The following SAG variants were observed in gnomAD, a reference collection of about 807,000 sequenced individuals.
SAG encodes the protein S-arrestin.
A neutral mutation model predicts 55.0 loss-of-function variants in SAG; 45 were observed. The ratio of observed to expected loss-of-function variants is 0.82; its 90% confidence interval spans 0.64 to 1.05. The LOEUF (loss-of-function observed/expected upper bound fraction) is 1.05, where lower values mean the gene tolerates loss of function less well. Among genes scored for constraint, SAG ranks in the 50% least tolerant of loss-of-function variants. The pLI is 0.00. For missense variants in SAG, 455 were observed against 512.1 expected (o/e 0.89, Z 1.08); for synonymous variants, 189 against 197.4 (o/e 0.96, Z 0.36).
rs754583230 is a variant in SAG, at chr2:233,346,940, G to A, written c.*28G>A. On this transcript the variant is annotated 3_prime_UTR_variant, in exon 16 of 16. Coordinates refer to ENST00000409110, the MANE Select transcript of SAG (RefSeq NM_000541.5). ...ATGTCGGCTCAGGATGCCGGAAAATGACCTGTAGTTACCAGTGCAACGAGC... is the reference window on the plus strand; with the variant it reads ...ATGTCGGCTCAGGATGCCGGAAAATAACCTGTAGTTACCAGTGCAACGAGC... 6 of 1,361,128 alleles carry A rather than the reference G, an allele frequency of 4.4e-6. No individual in the cohort carries two copies. In the East Asian group the frequency reaches 9.3e-5, roughly 21 times the overall value. The allele number at this position is 1,361,128 out of a possible 1,614,324, so 84.3% of individuals were successfully genotyped here. A position where few individuals can be genotyped will look rare whatever the true frequency, so the allele number is the denominator to read the frequency against.
At chr2:233,315,943 G>A (rs1159339994) in intron 2 of SAG, 132 bp from the exon 3 acceptor site, 21 of 615,384 alleles carry the variant, frequency 3.4e-5, no homozygotes, top group Middle Eastern at 3.9e-4. Flanking sequence ...CTCGTGATCC[G>A]CCCGCCTTGG....
intron 5 of SAG, among the ~76,000 whole-genome samples, chr2:233,322,400 G>T (rs1428604395): frequency 6.6e-6 from 1 of 152,088 alleles, no homozygotes; most frequent in Non-Finnish European, 1.5e-5. Flanking sequence ...TGGGAAAATG[G>T]TCACAATGCT....
At chr2:233,342,437 T>G (rs1701132830) in intron 14 of SAG, 111 bp downstream of exon 14, 1 of 847,542 alleles carries the variant, frequency 1.2e-6, no homozygotes, top group African/African-American at 1.7e-5. Context: ...AGTGGCCAGG[T>G]GTAAGAGATT....
chr2:233,345,910 G>T, intron 14 of SAG: 1 of 153,138 alleles, frequency 6.5e-6, no homozygotes, highest in Non-Finnish European at 1.5e-5. Context: ...CCCAGCACTT[G>T]GGAGGCTGAG....
intron 5 of SAG, among the ~76,000 whole-genome samples, chr2:233,321,793 AC>A (rs1468015711): frequency 6.6e-6 from 1 of 152,228 alleles, no homozygotes; most frequent in African/African-American, 2.4e-5. Context: ...CAACTGTTTT[AC>A]AAAATCACAT....
Position 233,318,781 on chromosome 2 carries a change from T to A in SAG, c.167T>A (p.Val56Glu), listed in dbSNP as rs779729407. 2 of 1,613,844 alleles carry A rather than the reference T, an allele frequency of 1.2e-6. No homozygotes were observed. Among genetic ancestry groups the A allele is most frequent in the Admixed American group, 3.3e-5 (2 of 60,022 alleles). The change falls in exon 4 of 16, where the codon GTG becomes GAG. Residue 56 changes from valine (V) to glutamate (E), a missense_variant. Physicochemically the swap from Val to Glu is moderately radical, Grantham distance 121 (BLOSUM62 -2). Transcript: ENST00000409110. ...DGVVLVDPDL[V>E]KGKKVYVTLT... ...GTCGTGTTGGTTGATCCTGATCTTG[T>A]GAAGGGAAAGAAAGGTGAGATGAAG...
Position 233,335,004 on chromosome 2 carries a change from G to A in SAG, c.849G>A (p.Thr283=), listed in dbSNP as rs762147571. The A allele has an allele frequency of 8.7e-6, 14 of 1,613,918 alleles. No individual in the cohort carries two copies. Among genetic ancestry groups the A allele is most frequent in the East Asian group, 2.2e-5 (1 of 44,906 alleles). The part of the protein sequence containing the change: ...PPNSTLTKTL[T]LLPLLANNRE... ...ACAGCACTTTGACCAAGACGCTGAC[G>A]CTGCTGCCCTTGCTGGCTAACAATC... is the stretch of plus-strand genomic sequence containing the variant. Residue 283 remains threonine, a synonymous_variant, in exon 11 of 16, where the codon ACG becomes ACA. Transcript: ENST00000409110.
At chr2:233,336,062 G>C (rs1463504791) in intron 11 of SAG, among the ~76,000 whole-genome samples, 1 of 152,246 alleles carries the variant, frequency 6.6e-6, no homozygotes, top group African/African-American at 2.4e-5. Flanking sequence ...AAGTTACTGT[G>C]TTAGATTCTA....
At chr2:233,326,136 A>T (rs559722416) in intron 6 of SAG, among the ~76,000 whole-genome samples, 3 of 151,672 alleles carry the variant, frequency 2.0e-5, no homozygotes, top group Non-Finnish European at 4.4e-5. Flanking sequence ...GAGGTTACAA[A>T]GGGCTTGCAC....
intron 2 of SAG, among the ~76,000 whole-genome samples, chr2:233,310,240 A>G (rs1266763664): frequency 6.6e-6 from 1 of 152,236 alleles, no homozygotes; most frequent in African/African-American, 2.4e-5. Flanking sequence ...CAAGCCACAT[A>G]TGTAATTTTA....
intron 12 of SAG, among the ~76,000 whole-genome samples, chr2:233,339,537 GTTTTT>G (rs10711990): frequency 7.7e-6 from 1 of 129,330 alleles, no homozygotes; most frequent in African/African-American, 3.0e-5. Flanking sequence ...TTAGCATAGT[GTTTTT>G]TTTTTTTTTT....
chr2:233,324,242 A>G (rs1473063748), intron 6 of SAG, among the ~76,000 whole-genome samples: 1 of 152,070 alleles, frequency 6.6e-6, no homozygotes, highest in Non-Finnish European at 1.5e-5. Context: ...AAATACAAAT[A>G]TTAGCCAGGA....
intron 4 of SAG, chr2:233,319,000 C>G: frequency 2.8e-6 from 2 of 712,638 alleles, no homozygotes; most frequent in South Asian, 3.0e-5. Context: ...AGAGCTCACT[C>G]GCTCAGCAAA....
chr2:233,331,785 T>G, intron 10 of SAG, 73 bp downstream of exon 10: 2 of 1,075,598 alleles, frequency 1.9e-6, no homozygotes, highest in Admixed American at 1.9e-5. Context: ...CGTTTATTGC[T>G]GAAGAAGGAA....
At position 233,328,650 on chromosome 2, in the gene SAG, A is replaced by C. The variant is rs199868567; in HGVS notation, c.648+37A>C. On this transcript the variant is annotated intron_variant, in intron 8 of 15. Transcript: ENST00000409110. ...CCATCGCTACTACCCGCAGGGCAGC[A>C]GGCCTAGGGGCAGGCCCCACACCCC... 359 of 1,579,932 alleles carry C rather than the reference A, an allele frequency of 2.3e-4. No homozygotes were observed. The African/African-American group carries it at 3.6e-3, about 16-fold the overall frequency.
At chr2:233,315,375 C>T (rs1274308158) in intron 2 of SAG, among the ~76,000 whole-genome samples, 1 of 146,792 alleles carries the variant, frequency 6.8e-6, no homozygotes, top group African/African-American at 2.5e-5. Context: ...TCACTGCAAC[C>T]TCCACCTCCT....
Position 233,346,973 on chromosome 2 carries a change from C to A in SAG, c.*61C>A, listed in dbSNP as rs1442166239. The A allele has an allele frequency of 2.2e-6, 2 of 912,534 alleles. No individual in the cohort carries two copies. The highest frequency in any genetic ancestry group is 2.1e-5 in the Admixed American group (1 of 48,658). 56.5% of individuals were successfully genotyped at this position (912,534 alleles called of 1,614,324 possible). A position where few individuals can be genotyped will look rare whatever the true frequency, so the allele number is the denominator to read the frequency against. ...GTTACCAGTGCAACGAGCAAAGCCC[C>A]ACAGTTTAGTCCTTTGGAGTTATGC... On this transcript the variant is annotated 3_prime_UTR_variant, in exon 16 of 16. Transcript: ENST00000409110.
chr2:233,335,026 A>G lies in SAG; in HGVS notation c.871A>G (p.Asn291Asp), dbSNP rs2125344064. The change falls in exon 11 of 16, where the codon AAT becomes GAT. Residue 291 changes from asparagine (N) to aspartate (D), a missense_variant. Asn to Asp is a conservative substitution (Grantham distance 23). Coordinates refer to ENST00000409110, the MANE Select transcript of SAG (RefSeq NM_000541.5). ...GACGCTGCTGCCCTTGCTGGCTAACAATCGAGAAAGGAGAGGCATTGCCCT... is the reference window on the plus strand; with the variant it reads ...GACGCTGCTGCCCTTGCTGGCTAACGATCGAGAAAGGAGAGGCATTGCCCT... ...TLTLLPLLAN[N>D]RERRGIALDG... The G allele has an allele frequency of 1.9e-6, 3 of 1,614,004 alleles. No individual in the cohort carries two copies. The highest frequency in any genetic ancestry group is 1.7e-6 in the Non-Finnish European group (2 of 1,179,844).
chr2:233,318,134 T>C (rs1198964645), intron 3 of SAG, among the ~76,000 whole-genome samples: 2 of 151,956 alleles, frequency 1.3e-5, no homozygotes, highest in Non-Finnish European at 2.9e-5. Context: ...CCACCGCACC[T>C]GGCCCATGCC....
Sources: gnomAD v4.1 joint callset for allele counts (sites outside exome capture counted in the v4.1 genomes callset) on GRCh38, gnomAD v4.1.1 for gene constraint, MANE v1.5 for transcripts, NCBI Gene and HGNC (gene_info 2026-07-23, HGNC 2026-07-21) for gene names.